Variants in ESRRG observed in about 807,000 individuals in gnomAD.
ESRRG encodes the protein estrogen-related receptor gamma.
A neutral mutation model predicts 44.0 loss-of-function variants in ESRRG; 13 were observed. The ratio of observed to expected loss-of-function variants is 0.30; its 90% CI spans 0.19 to 0.47. The LOEUF is 0.47. Ranked by LOEUF, ESRRG falls within the 20% of genes least tolerant of loss-of-function variation. ESRRG has a pLI of 1.00. For synonymous variants in ESRRG, 215 were observed against 214.6 expected (o/e 1.00, Z -0.02); for missense variants, 395 against 580.6 (o/e 0.68, Z 3.29).
intron 2 of ESRRG, among the ~76,000 whole-genome samples, chr1:216,735,343 G>T (rs1441515838): frequency 6.6e-6 from 1 of 151,086 alleles, no homozygotes; most frequent in East Asian, 1.9e-4. Context: ...TGAGTAACTG[G>T]GTGTGTGCCA....
intron 2 of ESRRG, among the ~76,000 whole-genome samples, chr1:216,807,477 T>C (rs1217564324): frequency 1.3e-5 from 2 of 152,174 alleles, no homozygotes; most frequent in Non-Finnish European, 2.9e-5. Context: ...ACATAGTTTC[T>C]TTTATTTCTG....
intron 3 of ESRRG, among the ~76,000 whole-genome samples, chr1:216,602,851 T>C (rs1385837572): frequency 6.6e-6 from 1 of 152,258 alleles, no homozygotes; most frequent in Non-Finnish European, 1.5e-5. Flanking sequence ...TTTAAATTAA[T>C]ACTTGATCAA....
chr1:216,730,345 GA>G (rs1242324472), intron 2 of ESRRG, among the ~76,000 whole-genome samples: 2 of 143,526 alleles, frequency 1.4e-5, no homozygotes, highest in Non-Finnish European at 3.1e-5. Flanking sequence ...AAGAAAGAAA[GA>G]AAAAAAGGTA....
intron 6 of ESRRG, among the ~76,000 whole-genome samples, chr1:216,507,637 G>A (rs182773181): frequency 5.9e-5 from 9 of 152,266 alleles, no homozygotes; most frequent in Admixed American, 5.2e-4. Context: ...CCAAACAGGG[G>A]AAAAAATTGT....
At chr1:216,830,243 C>A (rs143769281) in intron 2 of ESRRG, among the ~76,000 whole-genome samples, 7 of 152,224 alleles carry the variant, frequency 4.6e-5, no homozygotes, top group African/African-American at 1.7e-4. Flanking sequence ...TACGACTCAG[C>A]CAAATTTCCT....
In ESRRG at chr1:216,515,677, T is replaced by C. The variant is rs530138866; in HGVS notation, c.1132+3475A>G. Among the ~76,000 whole-genome samples the C allele has an allele frequency of 3.3e-5, 5 of 152,188 alleles. No homozygotes were observed. The South Asian group carries it at 1.0e-3, about 32-fold the overall frequency. ...AAAAGAAAACTTGACTTGAAAAATG[T>C]TTATTCTTGAATGGATTGGACTCAC... On this transcript the variant is annotated intron_variant, in intron 6 of 6. Transcript: ENST00000408911.
At chr1:217,031,997 G>T (rs78150118) in intron 1 of ESRRG, among the ~76,000 whole-genome samples, 7,989 of 152,192 alleles carry the variant, frequency 0.052, 322 homozygotes, top group Non-Finnish European at 0.072. Context: ...GCCCCAGTTT[G>T]CCAGGATCAA....
At chr1:217,069,936 A>G (rs1457768409) in intron 1 of ESRRG, among the ~76,000 whole-genome samples, 5 of 152,214 alleles carry the variant, frequency 3.3e-5, no homozygotes, top group Non-Finnish European at 7.3e-5. Context: ...CTCAAAGGCA[A>G]TAGCAAAACC....
intron 3 of ESRRG, among the ~76,000 whole-genome samples, chr1:216,619,195 G>A (rs975387445): frequency 5.9e-5 from 9 of 152,182 alleles, no homozygotes; most frequent in Admixed American, 5.9e-4. Context: ...ATGTGTATGT[G>A]TGTCCATGCT....
chr1:216,767,942 A>C (rs1047521290), intron 2 of ESRRG, among the ~76,000 whole-genome samples: 10 of 152,136 alleles, frequency 6.6e-5, no homozygotes, highest in Non-Finnish European at 1.3e-4. Flanking sequence ...ACTAAAATAA[A>C]ATTTTTAAAG....
At chr1:217,041,205 C>T (rs2083800071) in intron 1 of ESRRG, among the ~76,000 whole-genome samples, 1 of 151,950 alleles carries the variant, frequency 6.6e-6, no homozygotes, top group Non-Finnish European at 1.5e-5. Flanking sequence ...AGCTAAGAGG[C>T]CCCATAGTCA....
intron 2 of ESRRG, among the ~76,000 whole-genome samples, chr1:216,855,593 C>G (rs141236322): frequency 1.1e-3 from 161 of 152,288 alleles, no homozygotes; most frequent in Non-Finnish European, 1.9e-3. Flanking sequence ...AAGGCCGCAA[C>G]GAGACTGCCA....
intron 2 of ESRRG, among the ~76,000 whole-genome samples, chr1:216,877,529 G>A (rs759730061): frequency 1.3e-4 from 20 of 151,648 alleles, no homozygotes; most frequent in Admixed American, 4.6e-4. Context: ...TCCGTCTCCC[G>A]AGTAGCTGGG....
At chr1:216,882,494 C>T (rs1489903116) in intron 2 of ESRRG, among the ~76,000 whole-genome samples, 1 of 152,122 alleles carries the variant, frequency 6.6e-6, no homozygotes, top group Non-Finnish European at 1.5e-5. Context: ...ATGCTAGATG[C>T]TGGAATAAAT....
intron 2 of ESRRG, among the ~76,000 whole-genome samples, chr1:216,842,753 CA>C (rs1022612595): frequency 3.9e-5 from 6 of 152,128 alleles, no homozygotes; most frequent in Non-Finnish European, 7.4e-5. Flanking sequence ...ACTACTAATC[CA>C]AGAAGCAAAG....
At chr1:216,869,179 C>T (rs373298643) in intron 2 of ESRRG, among the ~76,000 whole-genome samples, 55 of 152,050 alleles carry the variant, frequency 3.6e-4, no homozygotes, top group African/African-American at 1.3e-3. Context: ...GTCTTCTAAA[C>T]GTTTTATAGT....
At chr1:216,779,915 A>C (rs550882271) in intron 2 of ESRRG, among the ~76,000 whole-genome samples, 67 of 151,946 alleles carry the variant, frequency 4.4e-4, no homozygotes, top group African/African-American at 1.5e-3. Context: ...TTCACATTAA[A>C]AATCAAACAA....
In ESRRG at chr1:216,779,239, ATATAT is replaced by A. The variant is rs1373656971; in HGVS notation, c.-13-101753_-13-101749del. Among the ~76,000 whole-genome samples, 55 of 67,742 alleles carry A rather than the reference ATATAT, an allele frequency of 8.1e-4. 3 individuals are homozygous for A. Among genetic ancestry groups the A allele is most frequent in the African/African-American group, 4.1e-3 (42 of 10,294 alleles). The allele number at this position is 67,742 out of a possible 152,430, so 44.4% of individuals were successfully genotyped here. A position where few individuals can be genotyped will look rare whatever the true frequency, so the allele number is the denominator to read the frequency against. On this transcript the variant is annotated intron_variant, in intron 2 of 7. Coordinates refer to the ESRRG transcript ENST00000359162. ...TATATTTATATTTATAAATATAAAT[ATATAT>A]TTATATTTATAAATATAAATATATA...
intron 5 of ESRRG, among the ~76,000 whole-genome samples, chr1:216,536,480 T>G (rs1558337253): frequency 6.6e-6 from 1 of 152,128 alleles, no homozygotes; most frequent in Non-Finnish European, 1.5e-5. Context: ...ACTGTCTAGC[T>G]CAGTTCCTCA....
Sources: allele counts gnomAD v4.1 joint callset (sites outside exome capture counted in the v4.1 genomes callset), GRCh38; gene constraint gnomAD v4.1.1; transcripts MANE v1.5; gene names NCBI Gene and HGNC (gene_info 2026-07-23, HGNC 2026-07-21).